Variants in GZMH observed in about 807,000 individuals in gnomAD.
GZMH encodes granzyme H.
GZMH carries 24 observed loss-of-function variants against 20.7 expected under a neutral mutation model. The observed-to-expected ratio is 1.16, with a 90% CI of 0.84 to 1.63. The LOEUF is 1.63. Ranked by LOEUF, GZMH falls within the 40% of genes most tolerant of loss-of-function variation. GZMH has a pLI of 0.00. For missense variants in GZMH, 344 were observed against 302.7 expected (o/e 1.14, Z -1.01); for synonymous variants, 119 against 116.1 (o/e 1.02, Z -0.16).
In GZMH at chr14:24,606,534, C is replaced by T; in HGVS notation, c.*69G>A. ...CAGTCCTGCAACCCCGACTGCCCAC[C>T]CCTTGGGGATTCTTGCCTCTGTCCC... is the stretch of plus-strand genomic sequence containing the variant. On this transcript the variant is annotated 3_prime_UTR_variant, in exon 5 of 5. Transcript: ENST00000216338. 1.4e-6 allele frequency: 2 copies of T among 1,469,508 alleles called. No individual in the cohort carries two copies. The highest frequency in any genetic ancestry group is 1.9e-6 in the Non-Finnish European group (2 of 1,074,762). 91.0% of individuals were successfully genotyped at this position (1,469,508 alleles called of 1,614,324 possible).
Position 24,606,709 on chromosome 14 carries a change from G to T in GZMH, c.635C>A (p.Ala212Asp). Residue 212 changes from alanine (A) to aspartate (D), a missense_variant, in exon 5 of 5, where the codon GCC becomes GAC. Transcript: ENST00000216338. Reference protein sequence around the residue: ...SGGPLVCKDVAQGILSYGNKK... With the variant: ...SGGPLVCKDVDQGILSYGNKK... Reference sequence around the variant, plus strand: ...GTTTCCATAGGAGAGAATACCTTGGGCTACGTCCTTACACACGAGGGGCCC... The same window carrying T: ...GTTTCCATAGGAGAGAATACCTTGGTCTACGTCCTTACACACGAGGGGCCC... The T allele has an allele frequency of 5.0e-6, 8 of 1,613,800 alleles. No individual in the cohort carries two copies. The highest frequency in any genetic ancestry group is 6.8e-6 in the Non-Finnish European group (8 of 1,179,732).
In GZMH at chr14:24,607,418, GAAGC is replaced by G; in HGVS notation, c.340-16_340-13del. Reference sequence around the variant, plus strand: ...GCCTTTCTCTCCAGCTGGTGGGGAAGAAGCAAGAAAGTCCAGGTCAGGCAATGGC... The same window carrying G: ...GCCTTTCTCTCCAGCTGGTGGGGAAGAAGAAAGTCCAGGTCAGGCAATGGC... On this transcript the variant is annotated splice_polypyrimidine_tract_variant and intron_variant, in intron 3 of 4. Coordinates refer to ENST00000216338, the MANE Select transcript of GZMH (RefSeq NM_033423.5). 6.3e-7 allele frequency: 1 copy of G among 1,586,150 alleles called. No individual in the cohort carries two copies. Among genetic ancestry groups the G allele is most frequent in the Non-Finnish European group, 8.6e-7 (1 of 1,162,902 alleles).
At chr14:24,609,078 G>A (rs111825099) in intron 1 of GZMH, among the ~76,000 whole-genome samples, 1 of 152,178 alleles carries the variant, frequency 6.6e-6, no homozygotes, top group African/African-American at 2.4e-5. Flanking sequence ...TGGAGCCAAG[G>A]TAATGGGAGA....
intron 3 of GZMH, 54 bp from the exon 4 acceptor site, chr14:24,607,460 G>C (rs540504563): frequency 6.4e-7 from 1 of 1,574,378 alleles, no homozygotes; most frequent in South Asian, 1.2e-5. Flanking sequence ...TCTGGGCCCC[G>C]ACACAGTGAT....
Position 24,607,279 on chromosome 14 carries a change from G to A in GZMH, c.467C>T (p.Ala156Val). Residue 156 changes from alanine to valine, a missense_variant, in exon 4 of 5, where the codon GCA becomes GTA. Physicochemically the swap from Ala to Val is moderately conservative, Grantham distance 64 (BLOSUM62 0). Transcript: ENST00000216338. ...GWGYVSMSTL[A>V]TTLQEVLLTV... ...CAGCAACACTTCCTGCAGTGTGGTT[G>A]CTAAAGTGCTCATTGAGACATAACC... The A allele has an allele frequency of 6.2e-7, 1 of 1,614,074 alleles. No individual in the cohort carries two copies. The highest frequency in any genetic ancestry group is 8.5e-7 in the Non-Finnish European group (1 of 1,180,028).
chr14:24,607,822 C>T (rs1022006328), intron 2 of GZMH, 75 bp from the exon 3 acceptor site: 4 of 1,605,482 alleles, frequency 2.5e-6, no homozygotes, highest in Non-Finnish European at 3.4e-6. Context: ...GAGCAGATGA[C>T]AGCTGTGGCA....
In GZMH at chr14:24,606,611, G is replaced by C. The variant is rs201578280; in HGVS notation, c.733C>G (p.Arg245Gly). The C allele has an allele frequency of 6.2e-7, 1 of 1,612,942 alleles. No individual in the cohort carries two copies. Among genetic ancestry groups the C allele is most frequent in the Non-Finnish European group, 8.5e-7 (1 of 1,179,650 alleles). The change falls in exon 5 of 5, where the codon CGC (arginine) becomes GGC (glycine). Residue 245 changes from arginine (R) to glycine (G), a missense_variant. Physicochemically the swap from Arg to Gly is moderately radical, Grantham distance 125 (BLOSUM62 -2). Transcript: ENST00000216338. The stretch of plus-strand genomic sequence containing the variant: ...TAGTCTCATGCCTGCTGTTAGAGGC[G>C]CTTCATTGTTCTCTTTATCCAGGGC... ...FLPWIKRTMK[R>G]L
At position 24,606,789 on chromosome 14, in the gene GZMH, A is replaced by G. The variant is rs548446619; in HGVS notation, c.598-43T>C. 1.8e-5 allele frequency: 29 copies of G among 1,581,510 alleles called. No individual in the cohort carries two copies. In the East Asian group the frequency reaches 6.3e-4, roughly 34 times the overall value. On this transcript the variant is annotated intron_variant, in intron 4 of 4. Coordinates refer to ENST00000216338, the MANE Select transcript of GZMH (RefSeq NM_033423.5). ...AAAGACTGAGCTAGTGTTCCCTGGG[A>G]TGGGTGGTCTCTGTTATGGATTTTG...
At chr14:24,609,135 G>C (rs1387126278) in intron 1 of GZMH, among the ~76,000 whole-genome samples, 1 of 152,170 alleles carries the variant, frequency 6.6e-6, no homozygotes, top group Admixed American at 6.5e-5. Flanking sequence ...GTTGCACCAT[G>C]GGCTTCCCTC....
chr14:24,607,512 G>A (rs1406582160), intron 3 of GZMH, 100 bp downstream of exon 3: 8 of 1,602,414 alleles, frequency 5.0e-6, no homozygotes, highest in Non-Finnish European at 6.8e-6. Context: ...CACAGGAACT[G>A]ACCAAGAGGT....
rs1184787334 is a variant in GZMH at position 24,608,286 on chromosome 14, G to A, written c.182C>T (p.Thr61Ile). 2 of 1,614,190 alleles carry A rather than the reference G, an allele frequency of 1.2e-6. No individual in the cohort carries two copies. Among genetic ancestry groups the A allele is most frequent in the Admixed American group, 1.7e-5 (1 of 60,028 alleles). The change falls in exon 2 of 5, where the codon ACA becomes ATA. Residue 61 changes from threonine to isoleucine, a missense_variant. Coordinates refer to ENST00000216338, the MANE Select transcript of GZMH (RefSeq NM_033423.5). ...GILVRKDFVL[T>I]AAHCQGSSIN... ...TTACCTTCCCTGGCAGTGAGCAGCT[G>A]TCAGCACAAAGTCCTTTCTCACTAG... is the stretch of plus-strand genomic sequence containing the variant.
At chr14:24,607,955 G>A (rs1393024270) in intron 2 of GZMH, among the ~76,000 whole-genome samples, 1 of 152,152 alleles carries the variant, frequency 6.6e-6, no homozygotes, top group Non-Finnish European at 1.5e-5. Context: ...TTGCCTTCAG[G>A]AAATATCATG....
chr14:24,608,125 T>A, intron 2 of GZMH, 140 bp downstream of exon 2: 2 of 881,242 alleles, frequency 2.3e-6, no homozygotes, highest in Non-Finnish European at 1.8e-6. Flanking sequence ...CTTAGTCCTA[T>A]TCCCAGGTGG....
chr14:24,609,245 C>T (rs144558932), intron 1 of GZMH, among the ~76,000 whole-genome samples: 2,672 of 152,242 alleles, frequency 0.018, 27 homozygotes, highest in Middle Eastern at 0.051. Flanking sequence ...GCTCCTCTTT[C>T]CTGGGTTGGA....
Position 24,607,175 on chromosome 14 carries a change from G to A in GZMH, c.571C>T (p.Pro191Ser). 1 of 1,613,654 alleles carries A rather than the reference G, an allele frequency of 6.2e-7. No homozygotes were observed. The highest frequency in any genetic ancestry group is 8.5e-7 in the Non-Finnish European group (1 of 1,179,740). The change falls in exon 4 of 5, where the codon CCA becomes TCA. Residue 191 changes from proline (P) to serine (S), a missense_variant. Physicochemically the swap from Pro to Ser is moderately conservative, Grantham distance 74. Transcript: ENST00000216338. The stretch of plus-strand genomic sequence containing the variant: ...TTGAAACCGGTCTGTGTCTTCTTTG[G>A]ATCCCCCACACAAATCTCAGTGGCT... Reference protein sequence around the residue: ...SRATEICVGDPKKTQTGFKGD... With the variant: ...SRATEICVGDSKKTQTGFKGD...
chr14:24,609,083 G>C (rs60425138), intron 1 of GZMH, among the ~76,000 whole-genome samples: 5,123 of 152,270 alleles, frequency 0.034, 267 homozygotes, highest in African/African-American at 0.12. Flanking sequence ...CCAAGGTAAT[G>C]GGAGAGCTAT....
At chr14:24,606,838 C>T in intron 4 of GZMH, 92 bp from the exon 5 acceptor site, 1 of 1,186,420 alleles carries the variant, frequency 8.4e-7, no homozygotes, top group Non-Finnish European at 1.2e-6. Flanking sequence ...CCAGGCAGGC[C>T]TTGTCACTCA....
intron 4 of GZMH, 61 bp from the exon 5 acceptor site, chr14:24,606,807 G>A: frequency 6.6e-7 from 1 of 1,508,260 alleles, no homozygotes; most frequent in Non-Finnish European, 9.1e-7. Context: ...TCTCTGTTAT[G>A]GATTTTGTGT....
intron 1 of GZMH, 72 bp from the exon 2 acceptor site, chr14:24,608,484 T>C: frequency 6.5e-7 from 1 of 1,531,968 alleles, no homozygotes; most frequent in Non-Finnish European, 9.0e-7. Flanking sequence ...AGGACGACAG[T>C]GATTGAGGGT....
Sources: allele counts gnomAD v4.1 joint callset (sites outside exome capture counted in the v4.1 genomes callset), GRCh38; gene constraint gnomAD v4.1.1; transcripts MANE v1.5; gene names NCBI Gene and HGNC (gene_info 2026-07-23, HGNC 2026-07-21).